The following ERCC6L2 variants were observed in gnomAD, a reference collection of about 807,000 sequenced individuals.
ERCC6L2 encodes the protein ERCC excision repair 6 like 2.
ERCC6L2 carries 77 observed loss-of-function variants against 132.0 expected under a neutral mutation model. The ratio of observed to expected loss-of-function variants is 0.58; its 90% CI spans 0.49 to 0.71. The LOEUF (loss-of-function observed/expected upper bound fraction) is 0.71. ERCC6L2 is among the 30% of genes least tolerant of loss of function. ERCC6L2 has a pLI of 0.00. For synonymous variants in ERCC6L2, 583 were observed against 632.4 expected (o/e 0.92, Z 1.17); for missense variants, 1,542 against 1,837.6 (o/e 0.84, Z 2.94).
intron 17 of ERCC6L2, among the ~76,000 whole-genome samples, chr9:95,985,396 C>T (rs1049717779): frequency 6.6e-6 from 1 of 152,166 alleles, no homozygotes; most frequent in Admixed American, 6.5e-5. Context: ...AGTTAAGTCT[C>T]CTCAACTCTT....
At chr9:95,896,380 T>G (rs1186826122) in intron 2 of ERCC6L2, among the ~76,000 whole-genome samples, 2 of 151,594 alleles carry the variant, frequency 1.3e-5, no homozygotes, top group African/African-American at 2.4e-5. Flanking sequence ...CTATTTGTTT[T>G]TTTGTTTGTT....
intron 2 of ERCC6L2, among the ~76,000 whole-genome samples, chr9:95,893,864 A>C (rs1828298100): frequency 1.3e-5 from 2 of 152,014 alleles, no homozygotes; most frequent in African/African-American, 4.8e-5. Context: ...TGCTTTAGTA[A>C]TTTCTGCTTT....
chr9:95,884,912 T>C (rs80314053), intron 2 of ERCC6L2, among the ~76,000 whole-genome samples: 1,978 of 152,312 alleles, frequency 0.013, 44 homozygotes, highest in African/African-American at 0.045. Flanking sequence ...TGTTTTGTAT[T>C]GTTTGGGGGT....
rs1446516124 is a variant in ERCC6L2 at position 95,893,421 on chromosome 9, T to TA, written c.472-4426dup. Among the ~76,000 whole-genome samples the TA allele has an allele frequency of 2.0e-5, 3 of 152,206 alleles. No homozygotes were observed. The East Asian group carries it at 5.8e-4, about 29-fold the overall frequency. On this transcript the variant is annotated intron_variant, in intron 2 of 18. Transcript: ENST00000653738. ...ATTGGCTTGTAAATTTCCTGTATTA[T>TA]AATGTTCTTGTCAGGTTTTCTTATC...
intron 1 of ERCC6L2, among the ~76,000 whole-genome samples, chr9:95,879,531 A>G (rs1053418374): frequency 8.5e-5 from 13 of 152,186 alleles, no homozygotes; most frequent in African/African-American, 2.9e-4. Flanking sequence ...ATTGACCTAT[A>G]TGTTGTTCTA....
At chr9:95,929,247 C>T (rs146046484) in intron 11 of ERCC6L2, 2,326 of 160,292 alleles carry the variant, frequency 0.015, 22 homozygotes, top group Middle Eastern at 0.022. Context: ...TGAGAGCCCA[C>T]TGGGGCTAGG....
At chr9:95,937,817 T>G (rs943918853) in intron 11 of ERCC6L2, among the ~76,000 whole-genome samples, 3 of 151,786 alleles carry the variant, frequency 2.0e-5, no homozygotes, top group African/African-American at 7.2e-5. Context: ...TTATTGATTC[T>G]GCTTTTTTAT....
chr9:95,916,548 C>T, intron 6 of ERCC6L2, 114 bp downstream of exon 6: 1 of 844,140 alleles, frequency 1.2e-6, no homozygotes, highest in Non-Finnish European at 1.7e-6. Context: ...GCCTTTTATT[C>T]TGTATGGAAA....
intron 19 of ERCC6L2, among the ~76,000 whole-genome samples, chr9:96,028,611 C>T (rs1834413220): frequency 6.6e-6 from 1 of 152,104 alleles, no homozygotes; most frequent in African/African-American, 2.4e-5. Context: ...TAAGGGCGTC[C>T]CTAATAAAGC....
chr9:96,013,718 T>C lies in ERCC6L2; in HGVS notation c.*515T>C, dbSNP rs1834112507. 6.6e-6 allele frequency: 1 copy of C among 152,482 alleles called. No individual in the cohort carries two copies. The highest frequency in any genetic ancestry group is 2.4e-5 in the African/African-American group (1 of 41,464). 9.4% of individuals were successfully genotyped at this position (152,482 alleles called of 1,614,324 possible). On this transcript the variant is annotated 3_prime_UTR_variant, in exon 19 of 19. Coordinates refer to ENST00000653738, the MANE Select transcript of ERCC6L2 (RefSeq NM_020207.7). The stretch of plus-strand genomic sequence containing the variant: ...GTATTTTCTTTTTCCCTGGGCATCA[T>C]GTTCTATTATTATTTTAGAAAAAAG...
chr9:96,003,193 A>G (rs1042750643), intron 17 of ERCC6L2, among the ~76,000 whole-genome samples: 3 of 152,092 alleles, frequency 2.0e-5, no homozygotes, highest in African/African-American at 4.8e-5. Flanking sequence ...CATGTGCTCA[A>G]TTTCATGATG....
At chr9:95,892,371 T>G (rs1057170806) in intron 2 of ERCC6L2, among the ~76,000 whole-genome samples, 1 of 151,872 alleles carries the variant, frequency 6.6e-6, no homozygotes, top group African/African-American at 2.4e-5. Context: ...CTAAGAGTAT[T>G]TCTCTGTAGG....
At chr9:95,923,001 T>C (rs1829942901) in intron 8 of ERCC6L2, among the ~76,000 whole-genome samples, 1 of 152,186 alleles carries the variant, frequency 6.6e-6, no homozygotes, top group African/African-American at 2.4e-5. Flanking sequence ...TCTTTGGGAG[T>C]ATTTAGCACC....
At chr9:96,024,477 T>C (rs933213625) in intron 19 of ERCC6L2, among the ~76,000 whole-genome samples, 23 of 152,350 alleles carry the variant, frequency 1.5e-4, no homozygotes, top group African/African-American at 5.1e-4. Flanking sequence ...CTCCCAGACT[T>C]GAAGGCTGTG....
chr9:96,020,788 G>A, downstream of ERCC6L2: 2 of 456,776 alleles, frequency 4.4e-6, no homozygotes, highest in Non-Finnish European at 8.8e-6. Flanking sequence ...GGGCCTAAGA[G>A]AATGGGAAGG....
chr9:95,882,503 A>G (rs556477086), intron 2 of ERCC6L2, among the ~76,000 whole-genome samples: 40 of 152,294 alleles, frequency 2.6e-4, no homozygotes, highest in African/African-American at 8.9e-4. Flanking sequence ...CTAGTTTGTG[A>G]TTAAGTTATT....
At chr9:95,880,717 A>G in intron 1 of ERCC6L2, 152 bp from the exon 2 acceptor site, 1 of 607,176 alleles carries the variant, frequency 1.6e-6, no homozygotes, top group South Asian at 2.7e-5. Flanking sequence ...AATCTATTTT[A>G]GAAAAATATC....
intron 16 of ERCC6L2, 56 bp from the exon 17 acceptor site, chr9:95,978,005 G>A: frequency 8.9e-7 from 1 of 1,119,308 alleles, no homozygotes; most frequent in Non-Finnish European, 1.2e-6. Flanking sequence ...GTGTTTTTAT[G>A]GAACCATATT....
chr9:95,905,675 C>A (rs962710641), intron 3 of ERCC6L2, among the ~76,000 whole-genome samples: 1 of 152,212 alleles, frequency 6.6e-6, no homozygotes, highest in Non-Finnish European at 1.5e-5. Flanking sequence ...GAAGTACTTA[C>A]ATATGCTTGA....
Sources: allele counts gnomAD v4.1 joint callset (sites outside exome capture counted in the v4.1 genomes callset), GRCh38; gene constraint gnomAD v4.1.1; transcripts MANE v1.5; gene names NCBI Gene and HGNC (gene_info 2026-07-23, HGNC 2026-07-21).